THSD7A: variants seen among roughly 807,000 people sequenced by gnomAD.
THSD7A encodes thrombospondin type 1 domain containing 7A.
THSD7A carries 96 observed loss-of-function variants against 231.3 expected under a neutral mutation model. The ratio of observed to expected loss-of-function variants is 0.41; its 90% CI spans 0.35 to 0.49. The LOEUF is 0.49. THSD7A is among the 20% of genes least tolerant of loss of function. The pLI is 0.05. For missense variants in THSD7A, 2,290 were observed against 2,070.2 expected, an observed-to-expected ratio of 1.11 and a Z score of -2.06; for synonymous variants, 940 against 743.3, an observed-to-expected ratio of 1.26 and a Z score of -4.30.
chr7:11,661,632 G>A (rs1782934453), intron 1 of THSD7A, among the ~76,000 whole-genome samples: 1 of 150,454 alleles, frequency 6.6e-6, no homozygotes, highest in South Asian at 2.1e-4. Context: ...AAAATATACA[G>A]AATGATACAA....
At chr7:11,475,958 C>CTGTAAGAA (rs1158038051) in intron 7 of THSD7A, among the ~76,000 whole-genome samples, 1 of 106,776 alleles carries the variant, frequency 9.4e-6, no homozygotes, top group Non-Finnish European at 1.9e-5. Context: ...TTTTTTTGCT[C>CTGTAAGAA]TGTAAGAATA....
At chr7:11,496,852 A>C (rs752865987) in intron 6 of THSD7A, among the ~76,000 whole-genome samples, 16 of 152,224 alleles carry the variant, frequency 1.1e-4, no homozygotes, top group Non-Finnish European at 2.4e-4. Context: ...CAAAGTCAAC[A>C]ATCATTGAAT....
chr7:11,744,405 TATG>T (rs1321456118), intron 1 of THSD7A, among the ~76,000 whole-genome samples: 3 of 151,834 alleles, frequency 2.0e-5, no homozygotes, highest in Non-Finnish European at 4.4e-5. Context: ...TATCAATTTT[TATG>T]ATACCAGGTT....
chr7:11,681,686 C>A (rs920738323), intron 1 of THSD7A, among the ~76,000 whole-genome samples: 2 of 151,926 alleles, frequency 1.3e-5, no homozygotes, highest in African/African-American at 4.8e-5. Context: ...TAGGAAACAT[C>A]GTTCAGGATA....
intron 1 of THSD7A, among the ~76,000 whole-genome samples, chr7:11,701,289 C>A (rs1438489687): frequency 6.6e-6 from 1 of 151,084 alleles, no homozygotes; most frequent in Non-Finnish European, 1.5e-5. Flanking sequence ...ATTTTATATA[C>A]AATTCATTTG....
At chr7:11,483,885 T>A (rs1222647384) in intron 6 of THSD7A, among the ~76,000 whole-genome samples, 1 of 152,196 alleles carries the variant, frequency 6.6e-6, no homozygotes, top group East Asian at 1.9e-4. Context: ...AATGCAGACT[T>A]TGCTACAAGG....
At chr7:11,453,948 A>G (rs1440522401) in intron 11 of THSD7A, among the ~76,000 whole-genome samples, 1 of 152,034 alleles carries the variant, frequency 6.6e-6, no homozygotes, top group Non-Finnish European at 1.5e-5. Flanking sequence ...TCAATTACAT[A>G]GCCACTGACC....
chr7:11,555,304 A>G (rs1280838536), intron 4 of THSD7A, among the ~76,000 whole-genome samples: 1 of 151,840 alleles, frequency 6.6e-6, no homozygotes, highest in Non-Finnish European at 1.5e-5. Context: ...TTCATCCAGT[A>G]TTTTGATTTT....
At chr7:11,771,360 T>G (rs1342986398) in intron 1 of THSD7A, among the ~76,000 whole-genome samples, 1 of 151,976 alleles carries the variant, frequency 6.6e-6, no homozygotes, top group African/African-American at 2.4e-5. Context: ...TATGAAGCCA[T>G]TGATGTTATA....
chr7:11,494,831 T>C (rs564278823), intron 6 of THSD7A, among the ~76,000 whole-genome samples: 2 of 152,156 alleles, frequency 1.3e-5, no homozygotes, highest in South Asian at 4.1e-4. Context: ...AATAAGCTTA[T>C]GTTTTACCTA....
chr7:11,629,878 G>T (rs1180790025), intron 2 of THSD7A, among the ~76,000 whole-genome samples: 1 of 152,138 alleles, frequency 6.6e-6, no homozygotes, highest in Non-Finnish European at 1.5e-5. Flanking sequence ...AAGTTGAAAG[G>T]CTTTTAGAGA....
chr7:11,769,692 T>C (rs909659160), intron 1 of THSD7A, among the ~76,000 whole-genome samples: 2 of 152,166 alleles, frequency 1.3e-5, no homozygotes, highest in Admixed American at 6.5e-5. Context: ...TATCTAGAAG[T>C]ACTACCTGAA....
intron 6 of THSD7A, among the ~76,000 whole-genome samples, chr7:11,540,480 G>A (rs966453905): frequency 2.0e-5 from 3 of 152,228 alleles, no homozygotes; most frequent in African/African-American, 7.2e-5. Flanking sequence ...CCCCAAGGGG[G>A]CACCAGGGTG....
At chr7:11,494,825 A>T (rs1787033874) in intron 6 of THSD7A, among the ~76,000 whole-genome samples, 1 of 152,030 alleles carries the variant, frequency 6.6e-6, no homozygotes, top group Non-Finnish European at 1.5e-5. Context: ...AAAATAAATA[A>T]GCTTATGTTT....
intron 6 of THSD7A, among the ~76,000 whole-genome samples, chr7:11,527,675 A>G (rs1353304774): frequency 6.6e-6 from 1 of 152,178 alleles, no homozygotes; most frequent in Non-Finnish European, 1.5e-5. Context: ...ATTCTAAAGA[A>G]AAATGTAGAA....
intron 8 of THSD7A, among the ~76,000 whole-genome samples, chr7:11,471,323 T>C (rs1704840845): frequency 6.6e-6 from 1 of 152,020 alleles, no homozygotes; most frequent in South Asian, 2.1e-4. Flanking sequence ...ATACTCTATA[T>C]AAGAGAATTC....
At chr7:11,483,301 G>C (rs571387931) in intron 6 of THSD7A, among the ~76,000 whole-genome samples, 22 of 152,266 alleles carry the variant, frequency 1.4e-4, no homozygotes, top group Admixed American at 7.8e-4. Context: ...CTAGCTTGCA[G>C]AGCCTTTAAT....
At position 11,374,132 on chromosome 7, in the gene THSD7A, CA is replaced by C. The variant is rs1178146970; in HGVS notation, c.*1661del. ...AGCTAGCATTAAAAAACATCCAGAC[CA>C]GGGGTCAGCAAAATATGACCTGCAA... On this transcript the variant is annotated 3_prime_UTR_variant, in exon 28 of 28. Coordinates refer to ENST00000423059, the MANE Select transcript of THSD7A (RefSeq NM_015204.3). 1 of 151,990 alleles carries C rather than the reference CA, an allele frequency of 6.6e-6. No homozygotes were observed. The highest frequency in any genetic ancestry group is 1.5e-5 in the Non-Finnish European group (1 of 67,970). The allele number at this position is 151,990 out of a possible 1,614,324, so 9.4% of individuals were successfully genotyped here.
intron 1 of THSD7A, among the ~76,000 whole-genome samples, chr7:11,769,153 A>ATATATTT: frequency 8.0e-4 from 22 of 27,640 alleles, no homozygotes; most frequent in South Asian, 5.7e-3. Context: ...ATATATATAT[A>ATATATTT]TTTTTTTTTT....
Sources: allele counts gnomAD v4.1 joint callset (sites outside exome capture counted in the v4.1 genomes callset), GRCh38; gene constraint gnomAD v4.1.1; transcripts MANE v1.5; gene names NCBI Gene and HGNC (gene_info 2026-07-23, HGNC 2026-07-21).